CCDC9B: variants seen among roughly 807,000 people sequenced by gnomAD.
CCDC9B encodes the protein coiled-coil domain-containing protein 9B.
A neutral mutation model predicts 47.2 loss-of-function variants in CCDC9B; 40 were observed. The ratio of observed to expected loss-of-function variants is 0.85; its 90% CI spans 0.66 to 1.10. The LOEUF is 1.10. Among genes scored for constraint, CCDC9B ranks in the 50% least tolerant of loss-of-function variants. The probability of loss-of-function intolerance (pLI) is 0.00; values close to 1 mark genes in which losing one functional copy is unlikely to be tolerated. For synonymous variants in CCDC9B, 238 were observed against 250.7 expected (o/e 0.95, Z 0.48); for missense variants, 662 against 651.0 (o/e 1.02, Z -0.18).
intron 1 of CCDC9B, chr15:40,340,396 A>AG (rs1394867746): frequency 6.1e-6 from 2 of 327,572 alleles, no homozygotes; most frequent in Admixed American, 4.5e-5. Context: ...CGGGAGGTCG[A>AG]GGGGGGAGCT....
chr15:40,339,517 G>T lies in CCDC9B; in HGVS notation c.226C>A (p.Pro76Thr), dbSNP rs1277053336. 6.2e-7 allele frequency: 1 copy of T among 1,613,736 alleles called. No homozygotes were observed. The highest frequency in any genetic ancestry group is 2.2e-5 in the East Asian group (1 of 44,874). ...DGLTVTISQV[P>T]GEKRVVSRNW... ...TCTCCCAGGGTGAGGCTTACACCGGGAACCTGGCTGATGGTAACGGTGAGG... is the reference window on the plus strand; with the variant it reads ...TCTCCCAGGGTGAGGCTTACACCGGTAACCTGGCTGATGGTAACGGTGAGG... The change falls in exon 3 of 11, where the codon CCC (proline) becomes ACC (threonine). Residue 76 changes from proline to threonine, a missense_variant. Pro to Thr is a conservative substitution (Grantham distance 38, BLOSUM62 -1). Coordinates refer to ENST00000397536, the MANE Select transcript of CCDC9B (RefSeq NM_207380.3).
rs368221316 is a variant in CCDC9B, at chr15:40,339,588, T to C, written c.155A>G (p.Gln52Arg). The C allele has an allele frequency of 1.3e-5, 21 of 1,613,564 alleles. No homozygotes were observed. Among genetic ancestry groups the C allele is most frequent in the Non-Finnish European group, 1.6e-5 (19 of 1,179,852 alleles). The change falls in exon 3 of 11, where the codon CAG (glutamine) becomes CGG (arginine). Residue 52 changes from glutamine (Q) to arginine (R), a missense_variant. Transcript: ENST00000397536. ...TGGTGTGGTCACAGCCATCCCCCCC[T>C]GCTCTGCCTGCCGACGGTCCTCCTG... ...EIQEDRRQAEQGGMAVTTPAL... is the reference protein window; with the variant it reads ...EIQEDRRQAERGGMAVTTPAL...
intron 1 of CCDC9B, chr15:40,340,235 A>G (rs1290408365): frequency 1.7e-6 from 1 of 573,556 alleles, no homozygotes; most frequent in Admixed American, 3.2e-5. Context: ...GGCTCAGGTC[A>G]GGGCCTCATA....
rs952696741 is a variant in CCDC9B at position 40,335,095 on chromosome 15, GC to G, written c.*62del. On this transcript the variant is annotated 3_prime_UTR_variant, in exon 11 of 11. Transcript: ENST00000397536. ...CAACCACATGGCCATCACGCGGAGGGCCTTTAACAGAGTGATTCCCTTTTCC... is the reference window on the plus strand; with the variant it reads ...CAACCACATGGCCATCACGCGGAGGGCTTTAACAGAGTGATTCCCTTTTCC... 60 of 1,415,992 alleles carry G rather than the reference GC, an allele frequency of 4.2e-5. No individual in the cohort carries two copies. The African/African-American group carries it at 8.0e-4, about 19-fold the overall frequency. The allele number at this position is 1,415,992 out of a possible 1,614,324, so 87.7% of individuals were successfully genotyped here.
Position 40,337,679 on chromosome 15 carries a change from G to C in CCDC9B, c.683+45C>G, listed in dbSNP as rs200655000. ...GCCCTCCCAGCAGTGCCCGAAGCCAGCTCCATCCCGCACCACAGGCAACCT... is the reference window on the plus strand; with the variant it reads ...GCCCTCCCAGCAGTGCCCGAAGCCACCTCCATCCCGCACCACAGGCAACCT... On this transcript the variant is annotated intron_variant, in intron 6 of 10. Coordinates refer to ENST00000397536, the MANE Select transcript of CCDC9B (RefSeq NM_207380.3). The C allele has an allele frequency of 2.7e-5, 42 of 1,547,766 alleles. 1 individual carries two copies. Among genetic ancestry groups the C allele is most frequent in the Non-Finnish European group, 3.2e-5 (37 of 1,150,806 alleles).
rs1256999137 is a variant in CCDC9B at position 40,338,730 on chromosome 15, C to T, written c.387+18G>A. ...GAGGCTGCCTGCCGATGCCTGCACT[C>T]CCCACCACCCTGCTCACCTCTGCTT... On this transcript the variant is annotated intron_variant, in intron 4 of 10. Transcript: ENST00000397536. The T allele has an allele frequency of 1.2e-6, 2 of 1,610,910 alleles. No homozygotes were observed. The highest frequency in any genetic ancestry group is 1.7e-6 in the Non-Finnish European group (2 of 1,177,752).
Position 40,335,543 on chromosome 15 carries a change from G to A in CCDC9B, c.1088C>T (p.Ser363Leu). 2 of 1,518,830 alleles carry A rather than the reference G, an allele frequency of 1.3e-6. No homozygotes were observed. The highest frequency in any genetic ancestry group is 8.8e-7 in the Non-Finnish European group (1 of 1,133,526). The allele number at this position is 1,518,830 out of a possible 1,614,324, so 94.1% of individuals were successfully genotyped here. ...AGGCTCCTGTGGAGAGCAGGGGACT[G>A]AGCTGGCTGTGGAAGCCACTGACTC... ...KGESVASTAS[S>L]VPCSPQEPDL... The change falls in exon 11 of 11, where the codon TCA becomes TTA. Residue 363 changes from serine (S) to leucine (L), a missense_variant. Transcript: ENST00000397536.
intron 3 of CCDC9B, 179 bp downstream of exon 3, chr15:40,339,333 G>A (rs946903457): frequency 1.6e-6 from 1 of 632,784 alleles, no homozygotes; most frequent in East Asian, 2.8e-5. Flanking sequence ...GGGTAGGGGG[G>A]CTTTCAGCTG....
intron 7 of CCDC9B, chr15:40,337,143 C>T (rs1018836773): frequency 6.3e-6 from 4 of 639,252 alleles, no homozygotes; most frequent in African/African-American, 1.8e-5. Flanking sequence ...GACCCCGGGC[C>T]GGCTTCCACT....
chr15:40,336,515 G>A (rs1888962260), intron 9 of CCDC9B, 59 bp downstream of exon 9: 1 of 1,590,364 alleles, frequency 6.3e-7, no homozygotes, highest in Non-Finnish European at 8.6e-7. Flanking sequence ...GCCTGTACTG[G>A]TCCAGGAAAT....
At chr15:40,338,006 T>G (rs550388469) in intron 5 of CCDC9B, 113 bp from the exon 6 acceptor site, 8 of 1,035,988 alleles carry the variant, frequency 7.7e-6, no homozygotes, top group Non-Finnish European at 1.0e-5. Flanking sequence ...CAGCTAAAAA[T>G]TAGGCCTGTT....
intron 9 of CCDC9B, 189 bp from the exon 10 acceptor site, chr15:40,336,015 T>C (rs1273479030): frequency 2.0e-6 from 2 of 985,210 alleles, no homozygotes; most frequent in African/African-American, 1.7e-5. Context: ...TAGAGCCCCA[T>C]AGCCCTCAGC....
chr15:40,340,918 C>A lies in CCDC9B; in HGVS notation c.-99G>T. The A allele has an allele frequency of 1.2e-6, 2 of 1,608,652 alleles. No homozygotes were observed. Among genetic ancestry groups the A allele is most frequent in the Non-Finnish European group, 1.7e-6 (2 of 1,178,198 alleles). On this transcript the variant is annotated 5_prime_UTR_variant, in exon 1 of 11. Transcript: ENST00000397536. Reference sequence around the variant, plus strand: ...GGAGCCGGGCCTCTGCCGGCCTCTCCCTGCCGGCTTCGCTGCTCAGCACAC... The same window carrying A: ...GGAGCCGGGCCTCTGCCGGCCTCTCACTGCCGGCTTCGCTGCTCAGCACAC...
Position 40,338,533 on chromosome 15 carries a change from A to C in CCDC9B, c.513+2T>G. Reference sequence around the variant, plus strand: ...TGTCCCCATCCCCTCTTGAAGACACACCTTCCGTGCAGAATCTGAGCTGAT... The same window carrying C: ...TGTCCCCATCCCCTCTTGAAGACACCCCTTCCGTGCAGAATCTGAGCTGAT... On this transcript the variant is annotated splice_donor_variant, in intron 5 of 10. Transcript: ENST00000397536. LOFTEE classifies it high-confidence loss of function. The C allele has an allele frequency of 1.2e-6, 2 of 1,613,458 alleles. 1 individual carries two copies. The highest frequency in any genetic ancestry group is 2.2e-5 in the South Asian group (2 of 90,992).
Position 40,337,435 on chromosome 15 carries a change from C to A in CCDC9B, c.695G>T (p.Cys232Phe). 1.3e-6 allele frequency: 2 copies of A among 1,593,458 alleles called. No homozygotes were observed. The highest frequency in any genetic ancestry group is 1.7e-6 in the Non-Finnish European group (2 of 1,170,176). The change falls in exon 7 of 11, where the codon TGC becomes TTC. Residue 232 changes from cysteine to phenylalanine, a missense_variant. By Grantham distance (205) the Cys-to-Phe change is radical (BLOSUM62 -2). Transcript: ENST00000397536. Reference sequence around the variant, plus strand: ...CGGGCCTTCTCCCCTCAGCTGGCTGCAGTCCTGTAGCCTGTGTAGACAGAG... The same window carrying A: ...CGGGCCTTCTCCCCTCAGCTGGCTGAAGTCCTGTAGCCTGTGTAGACAGAG... ...LDKAKSTLQDCSQLRGEGPAR... is the reference protein window; with the variant it reads ...LDKAKSTLQDFSQLRGEGPAR...
Position 40,335,092 on chromosome 15 carries a change from A to C in CCDC9B, c.*66T>G. ...CGGCAACCACATGGCCATCACGCGG[A>C]GGGCCTTTAACAGAGTGATTCCCTT... On this transcript the variant is annotated 3_prime_UTR_variant, in exon 11 of 11. Transcript: ENST00000397536. 1 of 1,383,154 alleles carries C rather than the reference A, an allele frequency of 7.2e-7. No homozygotes were observed. 85.7% of individuals were successfully genotyped at this position (1,383,154 alleles called of 1,614,324 possible).
In CCDC9B at chr15:40,340,933, G is replaced by A. The variant is rs765413662; in HGVS notation, c.-114C>T. On this transcript the variant is annotated 5_prime_UTR_variant, in exon 1 of 11. Coordinates refer to ENST00000397536, the MANE Select transcript of CCDC9B (RefSeq NM_207380.3). Reference sequence around the variant, plus strand: ...CCGGCCTCTCCCTGCCGGCTTCGCTGCTCAGCACACGAGATCATGTTGTGA... The same window carrying A: ...CCGGCCTCTCCCTGCCGGCTTCGCTACTCAGCACACGAGATCATGTTGTGA... 1.2e-6 allele frequency: 2 copies of A among 1,607,086 alleles called. No homozygotes were observed. The highest frequency in any genetic ancestry group is 2.2e-5 in the East Asian group (1 of 44,542).
chr15:40,338,165 C>T (rs1889007824), intron 5 of CCDC9B: 6 of 719,822 alleles, frequency 8.3e-6, no homozygotes, highest in Middle Eastern at 2.3e-4. Context: ...GGTATGCAGA[C>T]GGGCCGGAGT....
chr15:40,338,958 C>T, intron 3 of CCDC9B, 55 bp from the exon 4 acceptor site: 1 of 1,604,824 alleles, frequency 6.2e-7, no homozygotes, highest in Non-Finnish European at 8.5e-7. Flanking sequence ...GACCTGGGTG[C>T]TGGGTCCTCT....
Sources: allele counts gnomAD v4.1 joint callset, GRCh38; gene constraint gnomAD v4.1.1; transcripts MANE v1.5; gene names NCBI Gene and HGNC (gene_info 2026-07-23, HGNC 2026-07-21).